ZNF793: variants seen among roughly 807,000 people sequenced by gnomAD.
The protein encoded by ZNF793 is zinc finger protein 793.
Under a neutral mutation model 12.4 loss-of-function variants are expected in ZNF793, and 5 were observed. That is an observed-to-expected ratio of 0.40 (90% confidence interval 0.21 to 0.84). The LOEUF (loss-of-function observed/expected upper bound fraction) is 0.84, where lower values mean the gene tolerates loss of function less well. Ranked by LOEUF, ZNF793 falls within the 40% of genes least tolerant of loss-of-function variation. The pLI is 0.35. For synonymous variants in ZNF793, 162 were observed against 172.4 expected, an observed-to-expected ratio of 0.94 and a Z score of 0.47; for missense variants, 456 against 495.0, an observed-to-expected ratio of 0.92 and a Z score of 0.75.
In ZNF793 at chr19:37,538,005, G is replaced by A. The variant is rs12972657; in HGVS notation, c.*126G>A. On this transcript the variant is annotated 3_prime_UTR_variant, in exon 8 of 8. Transcript: ENST00000627814. ...CGGCTTACTGCAAGCTCTGCCTCCC[G>A]GGTTCACGCCATTCTCCTGCCTCAG... 199,280 of 1,175,120 alleles carry A rather than the reference G, an allele frequency of 0.17. 17,887 individuals carry two copies. The highest frequency in any genetic ancestry group is 0.19 in the Non-Finnish European group (161,295 of 871,420). 72.8% of individuals were successfully genotyped at this position (1,175,120 alleles called of 1,614,324 possible). A position where few individuals can be genotyped will look rare whatever the true frequency, so the allele number is the denominator to read the frequency against.
chr19:37,523,239 G>A (rs553922382), intron 4 of ZNF793, among the ~76,000 whole-genome samples, 171 bp from the exon 5 acceptor site: 17 of 152,172 alleles, frequency 1.1e-4, no homozygotes, highest in East Asian at 9.7e-4. Context: ...GCCCAGGCTG[G>A]TCCCTAACTC....
intron 5 of ZNF793, among the ~76,000 whole-genome samples, chr19:37,530,914 G>A (rs968761382): frequency 1.3e-5 from 2 of 151,936 alleles, no homozygotes; most frequent in African/African-American, 2.4e-5. Flanking sequence ...CTTTTGTTGT[G>A]CTAGTGTGGA....
Position 37,537,043 on chromosome 19 carries a change from CTTT to C in ZNF793, c.389_391del (p.Phe130del). On this transcript the variant is annotated inframe_deletion, in exon 8 of 8. Coordinates refer to ENST00000627814, the MANE Select transcript of ZNF793 (RefSeq NM_001013659.3). ...GAAAATATCACTTCTGAGCACTGAT[CTTT>C]TTTCTTCAATCCAGAGCCCTAGTAA... 6.2e-7 allele frequency: 1 copy of C among 1,613,908 alleles called. No homozygotes were observed. Among genetic ancestry groups the C allele is most frequent in the Non-Finnish European group, 8.5e-7 (1 of 1,179,852 alleles).
In ZNF793 at chr19:37,537,530, C is replaced by T. The variant is rs765809832; in HGVS notation, c.872C>T (p.Ala291Val). ...RPFECFFCGK[A>V]FTQKSHRTEH... is the part of the protein sequence containing the mutation. ...TTTGAATGTTTTTTTTGTGGGAAAG[C>T]CTTTACCCAGAAGTCACACCGCACA... The change falls in exon 8 of 8, where the codon GCC (alanine) becomes GTC (valine). Residue 291 changes from alanine (A) to valine (V), a missense_variant. Transcript: ENST00000627814. 8.7e-6 allele frequency: 14 copies of T among 1,613,990 alleles called. No individual in the cohort carries two copies. Among genetic ancestry groups the T allele is most frequent in the Non-Finnish European group, 1.2e-5 (14 of 1,180,010 alleles).
intron 6 of ZNF793, 94 bp downstream of exon 6, chr19:37,532,576 C>A: frequency 7.1e-7 from 1 of 1,409,648 alleles, no homozygotes. Context: ...TTTGGGAGGC[C>A]AAGGCAGGTG....
rs1024633503 is a variant in ZNF793, at chr19:37,520,303, G to A, written c.-156G>A. On this transcript the variant is annotated 5_prime_UTR_variant, in exon 3 of 8. Coordinates refer to ENST00000627814, the MANE Select transcript of ZNF793 (RefSeq NM_001013659.3). Reference sequence around the variant, plus strand: ...GGTCACAACATCTACAGAAGGCCCTGCAGCTAAGTGTGAGTTACTGTTGAG... The same window carrying A: ...GGTCACAACATCTACAGAAGGCCCTACAGCTAAGTGTGAGTTACTGTTGAG... 2.6e-5 allele frequency: 4 copies of A among 152,444 alleles called. No homozygotes were observed. In the East Asian group the frequency reaches 7.7e-4, roughly 29 times the overall value. The allele number at this position is 152,444 out of a possible 1,614,324, so 9.4% of individuals were successfully genotyped here.
intron 7 of ZNF793, 106 bp downstream of exon 7, chr19:37,533,509 C>T: frequency 2.1e-6 from 2 of 930,336 alleles, no homozygotes; most frequent in South Asian, 3.0e-5. Context: ...CCGAGAGCTT[C>T]AGCCACGTTA....
At chr19:37,510,025 A>G (rs1185678105) in intron 2 of ZNF793, among the ~76,000 whole-genome samples, 12 of 152,130 alleles carry the variant, frequency 7.9e-5, no homozygotes, top group African/African-American at 2.9e-4. Context: ...TTGAATTGAG[A>G]TAATTTCATT....
Position 37,540,749 on chromosome 19 carries a change from A to T in ZNF793, c.*2870A>T, listed in dbSNP as rs563204530. 2.0e-5 allele frequency: 3 copies of T among 152,124 alleles called. No individual in the cohort carries two copies. The East Asian group carries it at 5.8e-4, about 29-fold the overall frequency. 9.4% of individuals were successfully genotyped at this position (152,124 alleles called of 1,614,324 possible). A position where few individuals can be genotyped will look rare whatever the true frequency, so the allele number is the denominator to read the frequency against. ...TGGTTGTACACCAATAAATGAAAAG[A>T]CTATTTTTTGAGTTAACTTTTCTAA... On this transcript the variant is annotated 3_prime_UTR_variant, in exon 8 of 8. Transcript: ENST00000627814.
chr19:37,528,845 G>C (rs2042435951), intron 5 of ZNF793, among the ~76,000 whole-genome samples: 1 of 152,044 alleles, frequency 6.6e-6, no homozygotes, highest in Non-Finnish European at 1.5e-5. Flanking sequence ...GTGTCCCTTG[G>C]AGCTCTGGCC....
intron 5 of ZNF793, among the ~76,000 whole-genome samples, chr19:37,527,262 C>T (rs982734992): frequency 8.5e-5 from 13 of 152,122 alleles, no homozygotes; most frequent in Non-Finnish European, 1.3e-4. Flanking sequence ...CCATATCGGC[C>T]AGGCTGGTCT....
At chr19:37,536,510 T>C in intron 7 of ZNF793, 1 of 404,994 alleles carries the variant, frequency 2.5e-6, no homozygotes, top group Non-Finnish European at 4.3e-6. Context: ...GCTTTGTGAA[T>C]AAAGTTTTAT....
intron 2 of ZNF793, among the ~76,000 whole-genome samples, chr19:37,509,565 T>C (rs1326044021): frequency 1.3e-5 from 2 of 152,204 alleles, no homozygotes; most frequent in South Asian, 2.1e-4. Context: ...AGATAGTCCC[T>C]GTTTTTCACT....
chr19:37,519,336 T>C (rs1272063233), intron 2 of ZNF793, among the ~76,000 whole-genome samples: 1 of 152,132 alleles, frequency 6.6e-6, no homozygotes, highest in Non-Finnish European at 1.5e-5. Context: ...ACCAGCAGTG[T>C]AAGAGATATG....
intron 2 of ZNF793, among the ~76,000 whole-genome samples, chr19:37,517,228 CA>C: frequency 6.6e-6 from 1 of 152,228 alleles, no homozygotes; most frequent in East Asian, 1.9e-4. Context: ...AGCAAATATT[CA>C]TCATAGTTCT....
rs1019185605 is a variant in ZNF793 at position 37,521,233 on chromosome 19, C to A, written c.-147+921C>A. 6.6e-5 allele frequency among the ~76,000 whole-genome samples: 10 copies of A among 151,998 alleles called. No homozygotes were observed. The South Asian group carries it at 8.3e-4, about 13-fold the overall frequency. ...CAATCTCCTGACCTTGTGATCTGCCCGCCTCGGCCTCCCAAAGTGCTGGGA... is the reference window on the plus strand; with the variant it reads ...CAATCTCCTGACCTTGTGATCTGCCAGCCTCGGCCTCCCAAAGTGCTGGGA... On this transcript the variant is annotated intron_variant, in intron 3 of 7. Coordinates refer to ENST00000627814, the MANE Select transcript of ZNF793 (RefSeq NM_001013659.3).
intron 7 of ZNF793, chr19:37,536,560 A>G: frequency 2.4e-6 from 1 of 413,870 alleles, no homozygotes; most frequent in East Asian, 3.5e-5. Flanking sequence ...TGTTGTCTAT[A>G]TTTTCATGGT....
At chr19:37,516,663 T>A (rs1248772278) in intron 2 of ZNF793, among the ~76,000 whole-genome samples, 1 of 151,934 alleles carries the variant, frequency 6.6e-6, no homozygotes, top group African/African-American at 2.4e-5. Flanking sequence ...TTTTCTTTTT[T>A]AAATTTTGAT....
intron 5 of ZNF793, among the ~76,000 whole-genome samples, chr19:37,530,540 T>C (rs1214664295): frequency 6.6e-6 from 1 of 152,180 alleles, no homozygotes; most frequent in Non-Finnish European, 1.5e-5. Flanking sequence ...AGGAGCATGC[T>C]GCCTTCAAGC....
Sources: gnomAD v4.1 joint callset for allele counts (sites outside exome capture counted in the v4.1 genomes callset) on GRCh38, gnomAD v4.1.1 for gene constraint, MANE v1.5 for transcripts, NCBI Gene and HGNC (gene_info 2026-07-23, HGNC 2026-07-21) for gene names.